Variants in WAC observed in about 807,000 individuals in gnomAD.
The protein encoded by WAC is WW domain-containing adapter protein with coiled-coil.
A neutral mutation model predicts 79.6 loss-of-function variants in WAC; 11 were observed. That is an observed-to-expected ratio of 0.14 (90% CI 0.09 to 0.23). The LOEUF is 0.23. Among genes scored for constraint, WAC ranks in the 10% least tolerant of loss-of-function variants. The pLI, the probability that WAC is intolerant of heterozygous loss-of-function variation, is 1.00. For synonymous variants in WAC, 304 were observed against 276.9 expected, an observed-to-expected ratio of 1.10 and a Z score of -0.97; for missense variants, 728 against 773.5, an observed-to-expected ratio of 0.94 and a Z score of 0.70.
chr10:28,619,338 A>G (rs1362374265), intron 13 of WAC, among the ~76,000 whole-genome samples, 199 bp from the exon 14 acceptor site: 1 of 152,204 alleles, frequency 6.6e-6, no homozygotes, highest in Non-Finnish European at 1.5e-5. Flanking sequence ...CATCATCCTT[A>G]TACTTTAATA....
intron 2 of WAC, chr10:28,534,299 ATTAT>A (rs370297885): frequency 2.5e-6 from 1 of 396,298 alleles, no homozygotes; most frequent in African/African-American, 2.1e-5. Context: ...ACCTGACTCG[ATTAT>A]TTGATTATTT....
At chr10:28,597,223 A>C (rs1840423792) in intron 7 of WAC, among the ~76,000 whole-genome samples, 1 of 152,164 alleles carries the variant, frequency 6.6e-6, no homozygotes, top group African/African-American at 2.4e-5. Flanking sequence ...CAAAATTCAT[A>C]CATAAAATGT....
chr10:28,590,911 C>G (rs1840048981), intron 6 of WAC, 79 bp downstream of exon 6: 1 of 993,020 alleles, frequency 1.0e-6, no homozygotes, highest in Admixed American at 2.6e-5. Flanking sequence ...CCATTGCCAT[C>G]TACATATGTA....
At chr10:28,617,820 C>T (rs558968141) in intron 13 of WAC, 36 bp downstream of exon 13, 2 of 1,547,482 alleles carry the variant, frequency 1.3e-6, no homozygotes, top group South Asian at 2.6e-5. Context: ...TTATGTTTCT[C>T]AGGATTATGA....
intron 3 of WAC, among the ~76,000 whole-genome samples, chr10:28,547,430 G>A (rs1435430931): frequency 6.6e-6 from 1 of 152,022 alleles, no homozygotes; most frequent in African/African-American, 2.4e-5. Flanking sequence ...AGCTACCTGG[G>A]AGGCTGAGGC....
chr10:28,569,062 T>A (rs1838804514), intron 3 of WAC, among the ~76,000 whole-genome samples: 2 of 152,168 alleles, frequency 1.3e-5, no homozygotes, highest in African/African-American at 4.8e-5. Context: ...AATGAAGAAG[T>A]TCCTGGATAC....
At chr10:28,597,206 T>G (rs1411592008) in intron 7 of WAC, among the ~76,000 whole-genome samples, 1 of 152,144 alleles carries the variant, frequency 6.6e-6, no homozygotes, top group Admixed American at 6.5e-5. Flanking sequence ...GTAAAGATGG[T>G]TCGTACCAAA....
chr10:28,541,081 G>A (rs1962614281), intron 3 of WAC, among the ~76,000 whole-genome samples: 1 of 152,058 alleles, frequency 6.6e-6, no homozygotes, highest in Non-Finnish European at 1.5e-5. Flanking sequence ...TTTGGAATGA[G>A]TTCACTTAGA....
At chr10:28,534,328 C>A in intron 2 of WAC, 1 of 366,872 alleles carries the variant, frequency 2.7e-6, no homozygotes, top group Non-Finnish European at 4.9e-6. Context: ...GTGAAGGAAT[C>A]GATGGGATGA....
intron 3 of WAC, among the ~76,000 whole-genome samples, chr10:28,545,040 CAAAAAAAA>C (rs71391049): frequency 8.7e-6 from 1 of 114,500 alleles, no homozygotes; most frequent in Non-Finnish European, 1.9e-5. Context: ...GACTCTGTCT[CAAAAAAAA>C]AAAAAAAAAA....
intron 9 of WAC, 116 bp downstream of exon 9, chr10:28,610,937 A>G: frequency 8.5e-7 from 1 of 1,175,120 alleles, no homozygotes; most frequent in Non-Finnish European, 1.1e-6. Context: ...TTTTTAAGAG[A>G]TTAGCTACAA....
At chr10:28,599,624 C>G (rs1589224623) in intron 7 of WAC, among the ~76,000 whole-genome samples, 1 of 152,170 alleles carries the variant, frequency 6.6e-6, no homozygotes, top group Non-Finnish European at 1.5e-5. Flanking sequence ...ATGTGTTGTG[C>G]ATCTGATTAA....
At chr10:28,604,132 A>G (rs963578023) in intron 7 of WAC, among the ~76,000 whole-genome samples, 1 of 151,036 alleles carries the variant, frequency 6.6e-6, no homozygotes, top group African/African-American at 2.4e-5. Context: ...GTCTCTACAT[A>G]GTGTTACTTA....
chr10:28,553,002 G>A (rs1174511942), intron 3 of WAC, among the ~76,000 whole-genome samples: 1 of 152,032 alleles, frequency 6.6e-6, no homozygotes. Context: ...TTTGTTCTGT[G>A]TCCTGCCAGC....
rs555054126 is a variant in WAC, at chr10:28,562,263, G to T, written c.275-21136G>T. Reference sequence around the variant, plus strand: ...GTAGAGACGGGGTTTCACCATGTTAGCCAGGCTGGTCTCGAACTCTGACCT... The same window carrying T: ...GTAGAGACGGGGTTTCACCATGTTATCCAGGCTGGTCTCGAACTCTGACCT... On this transcript the variant is annotated intron_variant, in intron 3 of 13. Coordinates refer to ENST00000354911, the MANE Select transcript of WAC (RefSeq NM_016628.5). Among the ~76,000 whole-genome samples the T allele has an allele frequency of 7.6e-4, 116 of 152,122 alleles. 4 individuals are homozygous for T. In the South Asian group the frequency reaches 0.023, roughly 30 times the overall value.
chr10:28,534,236 G>A (rs1836483161), intron 2 of WAC: 1 of 461,342 alleles, frequency 2.2e-6, no homozygotes, highest in East Asian at 3.5e-5. Flanking sequence ...TTTGACAGGT[G>A]ACTGGAGGGA....
At chr10:28,590,568 C>T (rs1400209507) in intron 5 of WAC, 152 bp from the exon 6 acceptor site, 2 of 613,464 alleles carry the variant, frequency 3.3e-6, no homozygotes, top group Admixed American at 3.5e-5. Flanking sequence ...CTGTTTGCTA[C>T]GTTCCATCTC....
intron 3 of WAC, among the ~76,000 whole-genome samples, chr10:28,539,992 A>T (rs1836921386): frequency 6.6e-6 from 1 of 152,200 alleles, no homozygotes; most frequent in African/African-American, 2.4e-5. Flanking sequence ...TTTGGTGATA[A>T]TGTCTTTTTT....
chr10:28,551,820 T>TGTG (rs1564380042), intron 3 of WAC, among the ~76,000 whole-genome samples: 2 of 53,750 alleles, frequency 3.7e-5, no homozygotes, highest in South Asian at 6.0e-4. Context: ...GTGTGTGTGT[T>TGTG]TCTTTTTTTT....
Sources: allele counts gnomAD v4.1 joint callset (sites outside exome capture counted in the v4.1 genomes callset), GRCh38; gene constraint gnomAD v4.1.1; transcripts MANE v1.5; gene names NCBI Gene and HGNC (gene_info 2026-07-23, HGNC 2026-07-21).